ANKRD31: variants seen among roughly 807,000 people sequenced by gnomAD.
ANKRD31 encodes the protein ankyrin repeat domain 31.
Under a neutral mutation model 186.0 loss-of-function variants are expected in ANKRD31, and 147 were observed. The ratio of observed to expected loss-of-function variants is 0.79; its 90% CI spans 0.69 to 0.91. The LOEUF is 0.91. Among genes scored for constraint, ANKRD31 ranks in the 40% least tolerant of loss-of-function variants. The pLI is 0.00. For synonymous variants in ANKRD31, 673 were observed against 736.4 expected, an observed-to-expected ratio of 0.91 and a Z score of 1.39; for missense variants, 1,986 against 2,148.8, an observed-to-expected ratio of 0.92 and a Z score of 1.50.
At chr5:75,163,775 C>A (rs2150178400) in intron 11 of ANKRD31, among the ~76,000 whole-genome samples, 1 of 152,260 alleles carries the variant, frequency 6.6e-6, no homozygotes, top group African/African-American at 2.4e-5. Context: ...AAGCCATGGG[C>A]AAGCTTTAAG....
chr5:75,072,669 TC>T (rs1472087951), intron 25 of ANKRD31, among the ~76,000 whole-genome samples: 1 of 152,174 alleles, frequency 6.6e-6, no homozygotes, highest in Non-Finnish European at 1.5e-5. Context: ...ATGGGATATT[TC>T]TGCAAAGACC....
intron 6 of ANKRD31, among the ~76,000 whole-genome samples, chr5:75,199,387 C>G (rs2150258406): frequency 6.6e-6 from 1 of 152,158 alleles, no homozygotes; most frequent in Middle Eastern, 3.4e-3. Flanking sequence ...TATTTCTACT[C>G]TAGATAAAAA....
At position 75,236,762 on chromosome 5, in the gene ANKRD31, G is replaced by T; in HGVS notation, c.-76C>A. Reference sequence around the variant, plus strand: ...CCGCAAACAAAAAAACGCTTTGAGGGCCAGGGGAAATTGTGAATTAAAAAT... The same window carrying T: ...CCGCAAACAAAAAAACGCTTTGAGGTCCAGGGGAAATTGTGAATTAAAAAT... On this transcript the variant is annotated 5_prime_UTR_variant, in exon 1 of 26. Coordinates refer to ENST00000506364, the MANE Select transcript of ANKRD31 (RefSeq NM_001372053.1). 8.9e-7 allele frequency: 1 copy of T among 1,119,712 alleles called. No homozygotes were observed. The highest frequency in any genetic ancestry group is 1.3e-6 in the Non-Finnish European group (1 of 796,352). The allele number at this position is 1,119,712 out of a possible 1,614,324, so 69.4% of individuals were successfully genotyped here. A position where few individuals can be genotyped will look rare whatever the true frequency, so the allele number is the denominator to read the frequency against.
rs111992182 is a variant in ANKRD31 at position 75,181,230 on chromosome 5, A to G, written c.1564+7263T>C. Among the ~76,000 whole-genome samples, 458 of 152,274 alleles carry G rather than the reference A, an allele frequency of 3.0e-3. 3 individuals carry two copies. The highest frequency in any genetic ancestry group is 9.8e-3 in the African/African-American group (408 of 41,556). Reference sequence around the variant, plus strand: ...GAATGGTGATCATTAAAAAGTCAGGAAACAACAGGTGCTGGAGAGGATGTG... The same window carrying G: ...GAATGGTGATCATTAAAAAGTCAGGGAACAACAGGTGCTGGAGAGGATGTG... On this transcript the variant is annotated intron_variant, in intron 10 of 25. Coordinates refer to ENST00000506364, the MANE Select transcript of ANKRD31 (RefSeq NM_001372053.1).
chr5:75,220,171 A>G (rs1010873422), intron 3 of ANKRD31, among the ~76,000 whole-genome samples: 1 of 152,254 alleles, frequency 6.6e-6, no homozygotes, highest in Non-Finnish European at 1.5e-5. Flanking sequence ...GCTTCTGCAC[A>G]GCAAAAGAAA....
intron 10 of ANKRD31, among the ~76,000 whole-genome samples, chr5:75,174,535 C>T (rs1753617027): frequency 6.6e-6 from 1 of 152,120 alleles, no homozygotes; most frequent in African/African-American, 2.4e-5. Flanking sequence ...GATAAATTTA[C>T]AAGAAAAAAC....
At chr5:75,143,828 T>C (rs577914595) in intron 15 of ANKRD31, among the ~76,000 whole-genome samples, 173 bp downstream of exon 15, 1 of 152,272 alleles carries the variant, frequency 6.6e-6, no homozygotes. Flanking sequence ...TTAAAGATTA[T>C]TGGATTATCA....
intron 14 of ANKRD31, 85 bp downstream of exon 14, chr5:75,145,902 G>T: frequency 1.7e-6 from 2 of 1,211,930 alleles, no homozygotes; most frequent in Non-Finnish European, 2.2e-6. Context: ...TTTGGCCATC[G>T]TTTGAATACA....
intron 23 of ANKRD31, among the ~76,000 whole-genome samples, chr5:75,090,122 C>A (rs914089739): frequency 6.6e-6 from 1 of 152,038 alleles, no homozygotes; most frequent in East Asian, 1.9e-4. Flanking sequence ...AACCTTGTAA[C>A]AAAAAGGGAT....
intron 23 of ANKRD31, among the ~76,000 whole-genome samples, chr5:75,087,504 C>T (rs1327591807): frequency 6.7e-6 from 1 of 150,358 alleles, no homozygotes; most frequent in Non-Finnish European, 1.5e-5. Context: ...GAGACTCTGG[C>T]TCAAAAAGAA....
intron 25 of ANKRD31, among the ~76,000 whole-genome samples, chr5:75,078,666 A>G (rs925674880): frequency 6.6e-6 from 1 of 152,222 alleles, no homozygotes; most frequent in Non-Finnish European, 1.5e-5. Context: ...TTCCTGGTAA[A>G]TAATGAAACG....
chr5:75,156,581 T>C (rs983890300), intron 11 of ANKRD31, among the ~76,000 whole-genome samples: 3 of 152,166 alleles, frequency 2.0e-5, no homozygotes, highest in Non-Finnish European at 2.9e-5. Flanking sequence ...GCAAATATGA[T>C]TAAGTTAAGG....
At chr5:75,107,657 A>G in intron 20 of ANKRD31, 40 bp from the exon 21 acceptor site, 3 of 1,293,884 alleles carry the variant, frequency 2.3e-6, no homozygotes, top group Non-Finnish European at 2.1e-6. Context: ...ACTGAGGGAG[A>G]GTGAATGTCA....
At chr5:75,156,540 AAT>A (rs1182731086) in intron 11 of ANKRD31, among the ~76,000 whole-genome samples, 2 of 152,172 alleles carry the variant, frequency 1.3e-5, no homozygotes, top group African/African-American at 4.8e-5. Flanking sequence ...AGAACTTGTA[AAT>A]GTCAACTTTA....
At chr5:75,159,131 A>G (rs887233352) in intron 11 of ANKRD31, among the ~76,000 whole-genome samples, 1 of 152,162 alleles carries the variant, frequency 6.6e-6, no homozygotes, top group African/African-American at 2.4e-5. Flanking sequence ...AGCTGACAGA[A>G]AAAAAGAATC....
intron 17 of ANKRD31, among the ~76,000 whole-genome samples, chr5:75,130,185 C>T (rs568075641): frequency 2.0e-5 from 3 of 152,284 alleles, no homozygotes; most frequent in East Asian, 1.9e-4. Flanking sequence ...AAAGGTGGCA[C>T]GTCTGGAGTT....
intron 17 of ANKRD31, among the ~76,000 whole-genome samples, chr5:75,121,105 C>T (rs1258663172): frequency 6.6e-6 from 1 of 151,564 alleles, no homozygotes; most frequent in African/African-American, 2.4e-5. Context: ...ATCACTTGAA[C>T]CTGGGAGGCA....
chr5:75,072,312 T>C (rs946296769), intron 25 of ANKRD31, among the ~76,000 whole-genome samples: 2 of 152,184 alleles, frequency 1.3e-5, no homozygotes, highest in African/African-American at 4.8e-5. Flanking sequence ...TGTGTTTGAC[T>C]TCAGGGGAGG....
chr5:75,091,595 T>C (rs952517254), intron 22 of ANKRD31, among the ~76,000 whole-genome samples, 194 bp from the exon 23 acceptor site: 1 of 152,048 alleles, frequency 6.6e-6, no homozygotes, highest in African/African-American at 2.4e-5. Context: ...CAACAAAATC[T>C]ACAAAAATCA....
Sources: gnomAD v4.1 joint callset for allele counts (sites outside exome capture counted in the v4.1 genomes callset) on GRCh38, gnomAD v4.1.1 for gene constraint, MANE v1.5 for transcripts, NCBI Gene and HGNC (gene_info 2026-07-23, HGNC 2026-07-21) for gene names.